The following CPA6 variants were observed in gnomAD, a reference collection of about 807,000 sequenced individuals.
CPA6 encodes carboxypeptidase A6.
Under a neutral mutation model 63.3 loss-of-function variants are expected in CPA6, and 58 were observed. That is an observed-to-expected ratio of 0.92 (90% CI 0.74 to 1.14). The LOEUF is 1.14. Ranked by LOEUF, CPA6 falls within the 50% of genes most tolerant of loss-of-function variation. The pLI is 0.00. For missense variants in CPA6, 565 were observed against 526.6 expected (o/e 1.07, Z -0.71); for synonymous variants, 185 against 179.0 (o/e 1.03, Z -0.27).
At chr8:67,629,538 A>T (rs77996881) in intron 1 of CPA6, among the ~76,000 whole-genome samples, 3,999 of 151,946 alleles carry the variant, frequency 0.026, 175 homozygotes, top group African/African-American at 0.087. Flanking sequence ...TTGAAATAAA[A>T]GTGAACTATA....
chr8:67,560,757 G>A (rs1813189822), intron 2 of CPA6, among the ~76,000 whole-genome samples: 2 of 152,072 alleles, frequency 1.3e-5, no homozygotes, highest in Non-Finnish European at 2.9e-5. Context: ...AAATGGAAAT[G>A]GGTTGCTAGG....
At chr8:67,717,454 A>G (rs187490385) in intron 1 of CPA6, among the ~76,000 whole-genome samples, 2 of 152,326 alleles carry the variant, frequency 1.3e-5, no homozygotes, top group Middle Eastern at 3.4e-3. Flanking sequence ...CACACTCTCT[A>G]TAAAATTCTT....
intron 1 of CPA6, among the ~76,000 whole-genome samples, chr8:67,729,714 A>C (rs1196037576): frequency 6.6e-6 from 1 of 152,258 alleles, no homozygotes; most frequent in Non-Finnish European, 1.5e-5. Flanking sequence ...TGCAAGGCTT[A>C]GTCAAATTAT....
Position 67,608,849 on chromosome 8 carries a change from C to T in CPA6, c.192+15327G>A, listed in dbSNP as rs112518309. On this transcript the variant is annotated intron_variant, in intron 2 of 10. Coordinates refer to ENST00000297770, the MANE Select transcript of CPA6 (RefSeq NM_020361.5). ...CCATGAAGGGGCCAAGGCAATTCTC[C>T]CATCTCAGTTCCACTGGTCATGATC... is the stretch of plus-strand genomic sequence containing the variant. Among the ~76,000 whole-genome samples, 4 of 152,334 alleles carry T rather than the reference C, an allele frequency of 2.6e-5. 1 individual carries two copies. The highest frequency in any genetic ancestry group is 9.6e-5 in the African/African-American group (4 of 41,576).
At chr8:67,500,843 T>C in intron 6 of CPA6, among the ~76,000 whole-genome samples, 1 of 152,030 alleles carries the variant, frequency 6.6e-6, no homozygotes. Flanking sequence ...TTGAATTGGT[T>C]TTGCATTTTT....
At position 67,678,225 on chromosome 8, in the gene CPA6, T is replaced by TCA. The variant is rs200034998; in HGVS notation, c.117-53975_117-53974insTG. Among the ~76,000 whole-genome samples the TCA allele has an allele frequency of 9.8e-3, 1,408 of 143,028 alleles. 15 individuals are homozygous for TCA. Among genetic ancestry groups the TCA allele is most frequent in the African/African-American group, 0.021 (789 of 37,706 alleles). 93.8% of individuals were successfully genotyped at this position (143,028 alleles called of 152,430 possible). A position where few individuals can be genotyped will look rare whatever the true frequency, so the allele number is the denominator to read the frequency against. ...CCTGGGAGATAATTGTAAAACTCTG[T>TCA]CTCACACACACACACACACACACAC... On this transcript the variant is annotated intron_variant, in intron 1 of 10. Transcript: ENST00000297770.
At chr8:67,660,411 C>G (rs972687381) in intron 1 of CPA6, among the ~76,000 whole-genome samples, 2 of 139,386 alleles carry the variant, frequency 1.4e-5, no homozygotes, top group Admixed American at 7.5e-5. Context: ...CTCACTGCAG[C>G]CTTGACCTCC....
intron 2 of CPA6, among the ~76,000 whole-genome samples, chr8:67,532,767 T>C (rs762031410): frequency 6.6e-6 from 1 of 152,228 alleles, no homozygotes; most frequent in Non-Finnish European, 1.5e-5. Context: ...GCTGTCATTA[T>C]ATTAATAATT....
At chr8:67,492,212 A>G (rs1471759656) in intron 6 of CPA6, among the ~76,000 whole-genome samples, 1 of 152,210 alleles carries the variant, frequency 6.6e-6, no homozygotes, top group Non-Finnish European at 1.5e-5. Flanking sequence ...GTGAGGACCA[A>G]CTTACCAATA....
intron 2 of CPA6, among the ~76,000 whole-genome samples, chr8:67,557,185 C>T (rs922561651): frequency 2.0e-5 from 3 of 152,114 alleles, no homozygotes; most frequent in African/African-American, 7.2e-5. Flanking sequence ...GTGTCCTGAA[C>T]AGATTTAATT....
chr8:67,674,851 C>A (rs991623225), intron 1 of CPA6, among the ~76,000 whole-genome samples: 5 of 152,010 alleles, frequency 3.3e-5, no homozygotes, highest in African/African-American at 7.2e-5. Context: ...ATGAAAAAAA[C>A]CAAAAGCATG....
intron 10 of CPA6, among the ~76,000 whole-genome samples, chr8:67,425,899 CTTTT>C (rs910164836): frequency 1.4e-5 from 2 of 138,104 alleles, no homozygotes; most frequent in African/African-American, 5.4e-5. Context: ...TTTTTCTTTT[CTTTT>C]TTTTTTTTTT....
intron 1 of CPA6, among the ~76,000 whole-genome samples, chr8:67,674,425 G>A (rs2128994948): frequency 6.6e-6 from 1 of 152,336 alleles, no homozygotes; most frequent in South Asian, 2.1e-4. Context: ...CATATCCATA[G>A]CAGGAATATG....
chr8:67,669,425 T>G (rs1474787010), intron 1 of CPA6, among the ~76,000 whole-genome samples: 1 of 152,210 alleles, frequency 6.6e-6, no homozygotes, highest in Non-Finnish European at 1.5e-5. Context: ...AAATTATACA[T>G]GCTCACCCAC....
intron 6 of CPA6, among the ~76,000 whole-genome samples, chr8:67,502,004 C>T (rs1001521727): frequency 1.3e-5 from 2 of 152,270 alleles, no homozygotes; most frequent in African/African-American, 4.8e-5. Flanking sequence ...ATTTTGTCTA[C>T]GTTGTCAAAT....
At chr8:67,734,253 T>C (rs142095524) in intron 1 of CPA6, among the ~76,000 whole-genome samples, 2 of 151,144 alleles carry the variant, frequency 1.3e-5, no homozygotes, top group Non-Finnish European at 2.9e-5. Context: ...AAACAGAGGG[T>C]ACAGGTGTGT....
rs116282890 is a variant in CPA6 at position 67,670,800 on chromosome 8, C to T, written c.117-46549G>A. 7.1e-3 allele frequency among the ~76,000 whole-genome samples: 1,087 copies of T among 152,180 alleles called. 7 individuals carry two copies. The highest frequency in any genetic ancestry group is 0.024 in the African/African-American group (981 of 41,498). ...TCTTCCAGTTATGTGAAATGCTTTG[C>T]GGGCTGGAAGGTAATCCAGAGGACA... On this transcript the variant is annotated intron_variant, in intron 1 of 10. Coordinates refer to ENST00000297770, the MANE Select transcript of CPA6 (RefSeq NM_020361.5).
chr8:67,517,491 C>T (rs544435435), intron 3 of CPA6, among the ~76,000 whole-genome samples: 2 of 152,326 alleles, frequency 1.3e-5, no homozygotes, highest in Admixed American at 1.3e-4. Context: ...TCATTTCTTT[C>T]TGCCCTCTGA....
chr8:67,589,650 C>A (rs1476034729), intron 2 of CPA6, among the ~76,000 whole-genome samples: 3 of 152,104 alleles, frequency 2.0e-5, no homozygotes, highest in Non-Finnish European at 4.4e-5. Flanking sequence ...GTTTTATAAA[C>A]ATCCTTGCTA....
Sources: allele counts gnomAD v4.1 joint callset (sites outside exome capture counted in the v4.1 genomes callset), GRCh38; gene constraint gnomAD v4.1.1; transcripts MANE v1.5; gene names NCBI Gene and HGNC (gene_info 2026-07-23, HGNC 2026-07-21).